The following NOL9 variants were observed in gnomAD, a reference collection of about 807,000 sequenced individuals.
NOL9 encodes polynucleotide 5'-hydroxyl-kinase NOL9.
In NOL9, 28 loss-of-function variants were observed where a neutral mutation model predicts 67.9. That is an observed-to-expected ratio of 0.41 (90% CI 0.31 to 0.57). The LOEUF is 0.57. NOL9 is among the 20% of genes least tolerant of loss of function. The probability of loss-of-function intolerance (pLI) is 0.25; values close to 1 mark genes in which losing one functional copy is unlikely to be tolerated. For synonymous variants in NOL9, 356 were observed against 352.2 expected (o/e 1.01, Z -0.12); for missense variants, 777 against 897.0 (o/e 0.87, Z 1.71).
In NOL9 at chr1:6,550,485, A is replaced by G; in HGVS notation, c.527T>C (p.Ile176Thr). The change falls in exon 2 of 12, where the codon ATC (isoleucine) becomes ACC (threonine). Residue 176 changes from isoleucine to threonine, a missense_variant. Ile to Thr is a moderately conservative substitution (Grantham distance 89). Around this residue, in one of 2 missense-constraint regions of NOL9, gnomAD observed 364 missense variants for 344.4 expected, o/e 1.06. Transcript: ENST00000377705. ...AGGCTGTGAGTAGTGAAGTGCATGG[A>G]TACTCAAGCAAGAGTGGGTATACAC... is the stretch of plus-strand genomic sequence containing the variant. ...FSVYTHSCLS[I>T]HALHYSQPEK... 6.2e-7 allele frequency: 1 copy of G among 1,614,112 alleles called. No individual in the cohort carries two copies.
At chr1:6,531,788 C>T (rs960389297) in intron 9 of NOL9, among the ~76,000 whole-genome samples, 180 bp downstream of exon 9, 4 of 152,076 alleles carry the variant, frequency 2.6e-5, no homozygotes, top group Non-Finnish European at 5.9e-5. Flanking sequence ...CCCTCAGCCT[C>T]TCTACACCTC....
chr1:6,527,733 A>C (rs1047111144), intron 10 of NOL9, among the ~76,000 whole-genome samples: 44 of 152,028 alleles, frequency 2.9e-4, no homozygotes, highest in African/African-American at 1.0e-3. Context: ...GGAGTTCAAG[A>C]CCAGGCTGAC....
At position 6,553,053 on chromosome 1, in the gene NOL9, C is replaced by G. The variant is rs1402996116; in HGVS notation, c.396+1054G>C. Among the ~76,000 whole-genome samples the G allele has an allele frequency of 3.3e-5, 5 of 152,338 alleles. No individual in the cohort carries two copies. In the South Asian group the frequency reaches 6.2e-4, roughly 19 times the overall value. On this transcript the variant is annotated intron_variant, in intron 1 of 11. Transcript: ENST00000377705. ...TCTCAAACTCCTGACCTCAGATGAT[C>G]TGCCAGCTTCGGCTTCCCAAAGTGC...
chr1:6,546,975 G>C (rs1028392270), intron 3 of NOL9, among the ~76,000 whole-genome samples: 22 of 152,138 alleles, frequency 1.4e-4, no homozygotes, highest in African/African-American at 5.1e-4. Flanking sequence ...CTGACCACCA[G>C]CAGCTTTCGC....
chr1:6,552,954 G>A (rs751853593), intron 1 of NOL9, among the ~76,000 whole-genome samples: 1 of 152,180 alleles, frequency 6.6e-6, no homozygotes, highest in Non-Finnish European at 1.5e-5. Flanking sequence ...TGGGATTACA[G>A]GCGTGTGCTA....
intron 3 of NOL9, 112 bp downstream of exon 3, chr1:6,549,459 G>A: frequency 2.5e-6 from 3 of 1,184,052 alleles, no homozygotes; most frequent in Non-Finnish European, 3.5e-6. Flanking sequence ...CTGTAGGACT[G>A]AGAGCACTAG....
intron 6 of NOL9, among the ~76,000 whole-genome samples, chr1:6,537,152 A>C (rs1057393144): frequency 2.6e-5 from 4 of 152,156 alleles, no homozygotes; most frequent in Non-Finnish European, 4.4e-5. Flanking sequence ...GGGGAAGGAC[A>C]GTCTTCAATA....
At chr1:6,526,561 G>A (rs189240630) in intron 11 of NOL9, 135 bp downstream of exon 11, 55 of 868,294 alleles carry the variant, frequency 6.3e-5, no homozygotes, top group East Asian at 5.4e-4. Context: ...ACACCGTCTC[G>A]GCTCACTCAG....
In NOL9 at chr1:6,554,411, C is replaced by T; in HGVS notation, c.92G>A (p.Arg31His). 1 of 1,512,134 alleles carries T rather than the reference C, an allele frequency of 6.6e-7. No homozygotes were observed. The highest frequency in any genetic ancestry group is 8.7e-7 in the Non-Finnish European group (1 of 1,144,712). The allele number at this position is 1,512,134 out of a possible 1,614,324, so 93.7% of individuals were successfully genotyped here. The part of the protein sequence containing the change: ...RKARPQLILS[R>H]RPRRRLGSLR... ...GCTCCCGAGCCGGCGGCGGGGCCGG[C>T]GGCTGAGGATGAGCTGGGGCCGGGC... is the stretch of plus-strand genomic sequence containing the variant. The change falls in exon 1 of 12, where the codon CGC becomes CAC. Residue 31 changes from arginine to histidine, a missense_variant. Coordinates refer to ENST00000377705, the MANE Select transcript of NOL9 (RefSeq NM_024654.5).
At chr1:6,531,365 C>T (rs1400544660) in intron 9 of NOL9, among the ~76,000 whole-genome samples, 1 of 152,098 alleles carries the variant, frequency 6.6e-6, no homozygotes, top group Admixed American at 6.6e-5. Flanking sequence ...AGGCACGTGC[C>T]ACCATGCCTG....
chr1:6,530,107 A>AAG (rs951792453), intron 9 of NOL9, among the ~76,000 whole-genome samples: 3 of 152,228 alleles, frequency 2.0e-5, no homozygotes, highest in Middle Eastern at 3.4e-3. Context: ...ACCTAGGTGA[A>AAG]AGAGAGAGAC....
chr1:6,535,696 G>A (rs1287201564), intron 6 of NOL9, among the ~76,000 whole-genome samples: 1 of 152,202 alleles, frequency 6.6e-6, no homozygotes, highest in African/African-American at 2.4e-5. Flanking sequence ...GGAGGCCAAG[G>A]CAGGTGGATC....
Position 6,533,383 on chromosome 1 carries a change from A to G in NOL9, c.1134T>C (p.Ser378=). The change falls in exon 7 of 12, where the codon TCT becomes TCC. Residue 378 remains serine, a synonymous_variant. Transcript: ENST00000377705. ...TATAATTCTCATAGTTGTTTTTACAAGAAGGTTTCCCATAATATACCATCT... is the reference window on the plus strand; with the variant it reads ...TATAATTCTCATAGTTGTTTTTACAGGAAGGTTTCCCATAATATACCATCT... ...PQKMVYYGKP[S]CKNNYENYID... is the part of the protein sequence containing the mutation. The G allele has an allele frequency of 6.2e-7, 1 of 1,613,414 alleles. No homozygotes were observed. Among genetic ancestry groups the G allele is most frequent in the South Asian group, 1.1e-5 (1 of 90,952 alleles).
At position 6,554,095 on chromosome 1, in the gene NOL9, C is replaced by A; in HGVS notation, c.396+12G>T. On this transcript the variant is annotated intron_variant, in intron 1 of 11. Coordinates refer to ENST00000377705, the MANE Select transcript of NOL9 (RefSeq NM_024654.5). ...CTGCCCTCGGGGACTACTACCGGCG[C>A]CCCCCACCTACCTGCTCGACCGGCA... 6.6e-7 allele frequency: 1 copy of A among 1,514,550 alleles called. No individual in the cohort carries two copies. The allele number at this position is 1,514,550 out of a possible 1,614,324, so 93.8% of individuals were successfully genotyped here.
chr1:6,529,259 G>T, intron 9 of NOL9, 88 bp from the exon 10 acceptor site: 1 of 1,244,668 alleles, frequency 8.0e-7, no homozygotes, highest in Non-Finnish European at 1.1e-6. Context: ...GCTATCTAAA[G>T]ATAGGTCTGC....
chr1:6,528,843 C>T, intron 10 of NOL9, 151 bp downstream of exon 10: 1 of 654,058 alleles, frequency 1.5e-6, no homozygotes, highest in South Asian at 2.7e-5. Flanking sequence ...CCTTCCTGGC[C>T]TCCAGCCCCT....
chr1:6,536,314 C>A (rs1292728413), intron 6 of NOL9, among the ~76,000 whole-genome samples: 1 of 152,038 alleles, frequency 6.6e-6, no homozygotes, highest in African/African-American at 2.4e-5. Flanking sequence ...CCACTGCACT[C>A]CTGCCTGGGT....
intron 10 of NOL9, among the ~76,000 whole-genome samples, chr1:6,528,566 G>A (rs2148649522): frequency 6.6e-6 from 1 of 152,294 alleles, no homozygotes; most frequent in South Asian, 2.1e-4. Flanking sequence ...AGAGGGTGAG[G>A]GCAGGAGGGT....
At chr1:6,541,805 C>G in intron 6 of NOL9, 25 bp downstream of exon 6, 1 of 1,392,228 alleles carries the variant, frequency 7.2e-7, no homozygotes, top group Non-Finnish European at 9.9e-7. Flanking sequence ...AAAACCAAGA[C>G]ATTTGAGAAA....
Sources: gnomAD v4.1 joint callset for allele counts (sites outside exome capture counted in the v4.1 genomes callset) on GRCh38, gnomAD v4.1.1 for gene constraint, gnomAD v4.1.1 regional missense constraint, MANE v1.5 for transcripts, NCBI Gene and HGNC (gene_info 2026-07-23, HGNC 2026-07-21) for gene names.